Variants in RNF128 observed in about 807,000 individuals in gnomAD.
The protein encoded by RNF128 is E3 ubiquitin-protein ligase RNF128.
Under a neutral mutation model 26.2 loss-of-function variants are expected in RNF128, and 13 were observed. That is an observed-to-expected ratio of 0.50 (90% CI 0.32 to 0.79). The LOEUF (loss-of-function observed/expected upper bound fraction) is 0.79. Ranked by LOEUF, RNF128 falls within the 30% of genes least tolerant of loss-of-function variation. The pLI is 0.03. For synonymous variants in RNF128, 149 were observed against 142.5 expected, an observed-to-expected ratio of 1.05 and a Z score of -0.32; for missense variants, 315 against 349.7, an observed-to-expected ratio of 0.90 and a Z score of 0.79.
chrX:106,778,186 G>A (rs1930502311), intron 2 of RNF128, among the ~76,000 whole-genome samples: 1 of 110,725 alleles, frequency 9.0e-6, no homozygotes. Flanking sequence ...GCTGTGTGAG[G>A]GTCAGTGCCT....
chrX:106,712,869 G>A (rs914550968), intron 1 of RNF128, among the ~76,000 whole-genome samples: 1 of 104,827 alleles, frequency 9.5e-6, no homozygotes, highest in African/African-American at 3.7e-5. Context: ...GAAGTTATGA[G>A]TAGATAAAGT....
chrX:106,754,950 AT>A (rs760235624), intron 1 of RNF128, among the ~76,000 whole-genome samples: 115 of 111,847 alleles, frequency 1.0e-3, no homozygotes, highest in African/African-American at 3.6e-3. Flanking sequence ...ATAAATTGAA[AT>A]AAAAAAACAC....
intron 1 of RNF128, among the ~76,000 whole-genome samples, chrX:106,767,909 G>T (rs1930283253): frequency 8.9e-6 from 1 of 111,877 alleles, no homozygotes; most frequent in South Asian, 3.7e-4. Context: ...AGTTTATTGA[G>T]AGTTTTTAGC....
rs182039421 is a variant in RNF128 at position 106,760,564 on chromosome X, A to G, written c.485-12349A>G. ...TGGGAATGTAAATTAGTCCAGCCAT[A>G]TTGGAAAACAGTATGGAGAGTTTTT... On this transcript the variant is annotated intron_variant, in intron 1 of 6. Transcript: ENST00000255499. Among the ~76,000 whole-genome samples, 59 of 111,947 alleles carry G rather than the reference A, an allele frequency of 5.3e-4. No individual in the cohort carries two copies. In the East Asian group the frequency reaches 0.014, roughly 26 times the overall value.
At chrX:106,700,007 T>C (rs1294692056) in intron 1 of RNF128, among the ~76,000 whole-genome samples, 3 of 107,636 alleles carry the variant, frequency 2.8e-5, no homozygotes, top group Admixed American at 9.8e-5. Flanking sequence ...TTTTAATTTA[T>C]TTTTTAAATT....
chrX:106,782,378 G>A (rs1264327243), intron 2 of RNF128, among the ~76,000 whole-genome samples: 1 of 112,073 alleles, frequency 8.9e-6, no homozygotes, highest in African/African-American at 3.2e-5. Context: ...AGAAAGTAGT[G>A]AAGTGTAGGT....
At chrX:106,709,824 G>A (rs987810524) in intron 1 of RNF128, among the ~76,000 whole-genome samples, 1 of 111,853 alleles carries the variant, frequency 8.9e-6, no homozygotes, top group Non-Finnish European at 1.9e-5. Flanking sequence ...GGGATTACAG[G>A]TGTGAGCCAC....
chrX:106,775,444 C>T (rs960404071), intron 2 of RNF128, among the ~76,000 whole-genome samples: 14 of 111,683 alleles, frequency 1.3e-4, no homozygotes, highest in Non-Finnish European at 2.1e-4. Context: ...CTCTGGTCTA[C>T]GCATTTAATT....
chrX:106,755,407 T>C (rs1929985355), intron 1 of RNF128, among the ~76,000 whole-genome samples: 1 of 110,889 alleles, frequency 9.0e-6, no homozygotes, highest in South Asian at 3.8e-4. Flanking sequence ...AGACTCATTC[T>C]ATGAGGCCAG....
At chrX:106,734,607 A>C (rs1401385661) in intron 1 of RNF128, among the ~76,000 whole-genome samples, 1 of 111,518 alleles carries the variant, frequency 9.0e-6, no homozygotes, top group Non-Finnish European at 1.9e-5. Context: ...TGTATATGTA[A>C]GTTCTATCGA....
At chrX:106,783,097 T>C (rs1410847739) in intron 2 of RNF128, among the ~76,000 whole-genome samples, 2 of 112,051 alleles carry the variant, frequency 1.8e-5, no homozygotes, top group Non-Finnish European at 3.8e-5. Context: ...GGCCTTCCTA[T>C]TCACTGTTTC....
intron 1 of RNF128, among the ~76,000 whole-genome samples, chrX:106,706,386 GA>G (rs772023458): frequency 4.0e-4 from 41 of 102,950 alleles, no homozygotes; most frequent in South Asian, 2.1e-3. Context: ...TTCCTTATGT[GA>G]AAAAAAAACA....
At chrX:106,752,659 A>G (rs750805340) in intron 1 of RNF128, among the ~76,000 whole-genome samples, 1 of 112,160 alleles carries the variant, frequency 8.9e-6, no homozygotes, top group South Asian at 3.7e-4. Flanking sequence ...ACCAAGAAAT[A>G]TCCACAAGCA....
At chrX:106,767,659 A>G (rs1256556700) in intron 1 of RNF128, among the ~76,000 whole-genome samples, 2 of 111,651 alleles carry the variant, frequency 1.8e-5, no homozygotes, top group Non-Finnish European at 3.8e-5. Context: ...GTCATCTGCA[A>G]ATAGGGACAA....
At chrX:106,706,981 C>CT (rs1383155485) in intron 1 of RNF128, among the ~76,000 whole-genome samples, 2 of 111,755 alleles carry the variant, frequency 1.8e-5, no homozygotes, top group Non-Finnish European at 3.8e-5. Flanking sequence ...TACAAGAAGT[C>CT]TTTTTTGGCT....
At chrX:106,700,229 G>T (rs895960269) in intron 1 of RNF128, among the ~76,000 whole-genome samples, 4 of 110,024 alleles carry the variant, frequency 3.6e-5, no homozygotes, top group African/African-American at 1.3e-4. Flanking sequence ...TCACTGTGTT[G>T]CCCAGGCTGA....
chrX:106,790,353 C>G, intron 5 of RNF128, 71 bp downstream of exon 5: 2 of 730,022 alleles, frequency 2.7e-6, no homozygotes, highest in Non-Finnish European at 4.2e-6. Context: ...AAATAACATC[C>G]TTATTTTTTC....
intron 2 of RNF128, among the ~76,000 whole-genome samples, chrX:106,784,422 C>T (rs1353603634): frequency 6.3e-5 from 7 of 111,657 alleles, no homozygotes; most frequent in African/African-American, 2.3e-4. Flanking sequence ...TTTGCATATC[C>T]AGACACATCT....
intron 3 of RNF128, among the ~76,000 whole-genome samples, chrX:106,785,650 C>T (rs1930643631): frequency 8.9e-6 from 1 of 111,772 alleles, no homozygotes; most frequent in South Asian, 3.7e-4. Context: ...TTATAGACTT[C>T]GGATTTCCAG....
Sources: allele counts gnomAD v4.1 joint callset (sites outside exome capture counted in the v4.1 genomes callset), GRCh38; gene constraint gnomAD v4.1.1; transcripts MANE v1.5; gene names NCBI Gene and HGNC (gene_info 2026-07-23, HGNC 2026-07-21).